USP54: variants seen among roughly 807,000 people sequenced by gnomAD.
USP54 encodes ubiquitin carboxyl-terminal hydrolase 54.
A neutral mutation model predicts 170.5 loss-of-function variants in USP54; 87 were observed. The observed-to-expected ratio is 0.51, with a 90% CI of 0.43 to 0.61. The LOEUF (loss-of-function observed/expected upper bound fraction) is 0.61. USP54 is among the 20% of genes least tolerant of loss of function. USP54 has a pLI of 0.00. For synonymous variants in USP54, 655 were observed against 742.8 expected (o/e 0.88, Z 1.92); for missense variants, 1,786 against 2,047.8 (o/e 0.87, Z 2.47).
intron 3 of USP54, among the ~76,000 whole-genome samples, 155 bp from the exon 4 acceptor site, chr10:73,571,668 A>G (rs566968652): frequency 8.6e-4 from 131 of 152,354 alleles, no homozygotes; most frequent in Middle Eastern, 3.4e-3. Context: ...ATGTGAAAAA[A>G]GGTGAGGTAT....
intron 15 of USP54, among the ~76,000 whole-genome samples, chr10:73,528,241 A>C (rs7074504): frequency 0.19 from 28,697 of 149,022 alleles, 4,986 homozygotes; most frequent in African/African-American, 0.45. Flanking sequence ...GCCCACTAAT[A>C]CATTCTTTTT....
At chr10:73,588,587 C>T (rs1375954107) in intron 1 of USP54, among the ~76,000 whole-genome samples, 1 of 152,174 alleles carries the variant, frequency 6.6e-6, no homozygotes. Context: ...ATTGCAGAAA[C>T]TTTCTAACTA....
intron 19 of USP54, 119 bp from the exon 20 acceptor site, chr10:73,517,866 C>T (rs1397213302): frequency 7.7e-7 from 1 of 1,302,670 alleles, no homozygotes; most frequent in Admixed American, 2.5e-5. Context: ...TAAAAATAAA[C>T]AGAAAGACAA....
chr10:73,500,881 A>T (rs764661905), intron 22 of USP54, 43 bp from the exon 23 acceptor site: 1 of 1,566,594 alleles, frequency 6.4e-7, no homozygotes, highest in Non-Finnish European at 8.6e-7. Flanking sequence ...ATGAGGATTA[A>T]CACAAAGCAG....
intron 22 of USP54, 76 bp from the exon 23 acceptor site, chr10:73,500,914 GA>G (rs2057982283): frequency 6.8e-7 from 1 of 1,479,496 alleles, no homozygotes; most frequent in Non-Finnish European, 9.0e-7. Context: ...TAAACACAGT[GA>G]GGCAAGCAAA....
At chr10:73,537,662 C>A (rs956904100) in intron 10 of USP54, 2 of 151,512 alleles carry the variant, frequency 1.3e-5, no homozygotes, top group Non-Finnish European at 2.9e-5. Context: ...ACTGATAACT[C>A]CAAGATCTGA....
At chr10:73,570,707 G>T (rs1288383578) in intron 4 of USP54, among the ~76,000 whole-genome samples, 1 of 151,944 alleles carries the variant, frequency 6.6e-6, no homozygotes, top group Non-Finnish European at 1.5e-5. Flanking sequence ...CACCTCACCC[G>T]TTGTACTGGC....
In USP54 at chr10:73,517,494, G is replaced by A; in HGVS notation, c.2932C>T (p.Pro978Ser). Residue 978 changes from proline (P) to serine (S), a missense_variant, in exon 20 of 24, where the codon CCA becomes TCA. Transcript: ENST00000687698. Reference protein sequence around the residue: ...AFHRQGLPKAPGWTEKNSHHS... With the variant: ...AFHRQGLPKASGWTEKNSHHS... ...TGAGAATTCTTCTCAGTCCACCCTG[G>A]TGCTTTAGGTAAACCTTGCCTGTGG... 1 of 1,614,176 alleles carries A rather than the reference G, an allele frequency of 6.2e-7. No homozygotes were observed. Among genetic ancestry groups the A allele is most frequent in the Non-Finnish European group, 8.5e-7 (1 of 1,180,038 alleles).
intron 3 of USP54, among the ~76,000 whole-genome samples, chr10:73,573,502 G>A (rs145562943): frequency 5.9e-5 from 9 of 152,158 alleles, no homozygotes; most frequent in South Asian, 2.1e-4. Flanking sequence ...AGTGGCTCAC[G>A]CCTGTAAGCC....
intron 21 of USP54, 97 bp downstream of exon 21, chr10:73,505,211 A>G: frequency 7.6e-7 from 1 of 1,320,434 alleles, no homozygotes; most frequent in Non-Finnish European, 1.1e-6. Flanking sequence ...CCATATCACC[A>G]TGCCTCTGCC....
At chr10:73,528,224 G>T (rs748190254) in intron 15 of USP54, among the ~76,000 whole-genome samples, 2 of 151,458 alleles carry the variant, frequency 1.3e-5, no homozygotes, top group Non-Finnish European at 2.9e-5. Flanking sequence ...ATGAGCCACC[G>T]CGCCTGGCCC....
At chr10:73,612,833 T>C (rs1277791492) in intron 1 of USP54, among the ~76,000 whole-genome samples, 11 of 138,636 alleles carry the variant, frequency 7.9e-5, no homozygotes, top group Admixed American at 4.4e-4. Flanking sequence ...GAGTGAGACA[T>C]TGTCTCAAAA....
At chr10:73,604,591 A>AT (rs1369236332) in intron 1 of USP54, among the ~76,000 whole-genome samples, 2 of 46,288 alleles carry the variant, frequency 4.3e-5, no homozygotes, top group Non-Finnish European at 9.9e-5. Context: ...CATCTCCACA[A>AT]ATTTTTTTTT....
chr10:73,550,105 G>T (rs1254669288), intron 4 of USP54, among the ~76,000 whole-genome samples: 5 of 152,254 alleles, frequency 3.3e-5, no homozygotes, highest in East Asian at 3.9e-4. Flanking sequence ...TGCATTTTTA[G>T]TAGAGGCCGG....
chr10:73,536,954 G>A (rs2065344719), intron 10 of USP54, among the ~76,000 whole-genome samples: 2 of 152,224 alleles, frequency 1.3e-5, no homozygotes, highest in South Asian at 4.1e-4. Flanking sequence ...GATATAAAAT[G>A]TCAAACTGCT....
intron 1 of USP54, among the ~76,000 whole-genome samples, chr10:73,613,113 T>A (rs1256874093): frequency 6.7e-6 from 1 of 148,928 alleles, no homozygotes; most frequent in Admixed American, 6.8e-5. Flanking sequence ...GTGGTGACCG[T>A]GCTACTGCAT....
intron 4 of USP54, among the ~76,000 whole-genome samples, chr10:73,568,593 G>A (rs2074354938): frequency 6.6e-6 from 1 of 151,676 alleles, no homozygotes; most frequent in Non-Finnish European, 1.5e-5. Flanking sequence ...AAAGCCCTTA[G>A]GGGAAAAAAA....
intron 5 of USP54, among the ~76,000 whole-genome samples, chr10:73,544,030 C>T (rs528251473): frequency 8.8e-4 from 133 of 151,974 alleles, no homozygotes; most frequent in African/African-American, 3.0e-3. Flanking sequence ...GCAACCTCTA[C>T]CTCCCGGGTT....
chr10:73,502,571 C>T (rs1033969041), intron 22 of USP54, among the ~76,000 whole-genome samples: 1 of 152,204 alleles, frequency 6.6e-6, no homozygotes, highest in Non-Finnish European at 1.5e-5. Flanking sequence ...CCTCAGCCTC[C>T]CAAAGTGCTG....
Sources: gnomAD v4.1 joint callset for allele counts (sites outside exome capture counted in the v4.1 genomes callset) on GRCh38, gnomAD v4.1.1 for gene constraint, MANE v1.5 for transcripts, NCBI Gene and HGNC (gene_info 2026-07-23, HGNC 2026-07-21) for gene names.